Variants in TMED10 observed in about 807,000 individuals in gnomAD.
TMED10 encodes the protein transmembrane p24 trafficking protein 10.
TMED10 carries 7 observed loss-of-function variants against 23.1 expected under a neutral mutation model. The observed-to-expected ratio is 0.30, with a 90% CI of 0.17 to 0.57. The LOEUF is 0.57. Among genes scored for constraint, TMED10 ranks in the 20% least tolerant of loss-of-function variants. The probability of loss-of-function intolerance (pLI) is 0.91; values close to 1 mark genes in which losing one functional copy is unlikely to be tolerated. For missense variants in TMED10, 162 were observed against 274.8 expected (o/e 0.59, Z 2.90); for synonymous variants, 113 against 106.9 (o/e 1.06, Z -0.35).
rs1491353231 is a variant in TMED10 at position 75,147,185 on chromosome 14, G to GTTTTTTTTTTGTTTTTTTTTTTTTT, written c.411+478_411+479insAAAAAAAAAAAAAACAAAAAAAAAA. On this transcript the variant is annotated intron_variant, in intron 3 of 4. Coordinates refer to ENST00000303575, the MANE Select transcript of TMED10 (RefSeq NM_006827.6). Reference sequence around the variant, plus strand: ...ACAGCCAGAATTATTCTTCAAGGCTGTTTTTTTTTTTTTTTTTTTTTGAGA... The same window carrying GTTTTTTTTTTGTTTTTTTTTTTTTT: ...ACAGCCAGAATTATTCTTCAAGGCTGTTTTTTTTTTGTTTTTTTTTTTTTTTTTTTTTTTTTTTTTTTTTTTGAGA... Among the ~76,000 whole-genome samples the GTTTTTTTTTTGTTTTTTTTTTTTTT allele has an allele frequency of 3.3e-4, 39 of 116,626 alleles. 2 individuals carry two copies. The highest frequency in any genetic ancestry group is 1.4e-3 in the African/African-American group (38 of 26,244). The allele number at this position is 116,626 out of a possible 152,430, so 76.5% of individuals were successfully genotyped here.
At chr14:75,176,204 T>C in intron 1 of TMED10, 151 bp downstream of exon 1, 1 of 905,382 alleles carries the variant, frequency 1.1e-6, no homozygotes, top group Non-Finnish European at 1.6e-6. Context: ...ACCAGCGGGG[T>C]GAGGGGGCGG....
At chr14:75,152,888 G>A (rs1294204618) in intron 1 of TMED10, among the ~76,000 whole-genome samples, 1 of 152,192 alleles carries the variant, frequency 6.6e-6, no homozygotes, top group Non-Finnish European at 1.5e-5. Context: ...GGGAGGCCGA[G>A]GCGGATGGAT....
Position 75,147,732 on chromosome 14 carries a change from C to T in TMED10, c.343G>A (p.Gly115Arg), listed in dbSNP as rs778415145. The change falls in exon 3 of 5, where the codon GGG becomes AGG. Residue 115 changes from glycine (G) to arginine (R), a missense_variant. Physicochemically the swap from Gly to Arg is moderately radical, Grantham distance 125 (BLOSUM62 -2). Around this residue, in one of 2 missense-constraint regions of TMED10, gnomAD observed 126 missense variants for 239.5 expected, o/e 0.53. Transcript: ENST00000303575. ...FEVCFESKGT[G>R]RIPDQLVILD... ...ATCACGAGTTGGTCAGGTATCCGCC[C>T]TGTTCCTGAGAAAGAAATCAAAGGA... 2.5e-6 allele frequency: 4 copies of T among 1,614,112 alleles called. No individual in the cohort carries two copies. The highest frequency in any genetic ancestry group is 3.4e-6 in the Non-Finnish European group (4 of 1,180,018).
Position 75,135,895 on chromosome 14 carries a change from G to A in TMED10, c.412-9C>T. ...TTCTCAACTTTTGCAATCTGGAAAA[G>A]AATGGAATATTTTCAGCTCTCTGAA... is the stretch of plus-strand genomic sequence containing the variant. On this transcript the variant is annotated splice_polypyrimidine_tract_variant and intron_variant, in intron 3 of 4. Transcript: ENST00000303575. 11 of 1,613,222 alleles carry A rather than the reference G, an allele frequency of 6.8e-6. No homozygotes were observed. The highest frequency in any genetic ancestry group is 8.5e-6 in the Non-Finnish European group (10 of 1,179,802).
chr14:75,138,935 A>C (rs1209596235), intron 3 of TMED10: 1 of 239,576 alleles, frequency 4.2e-6, no homozygotes, highest in Non-Finnish European at 8.3e-6. Context: ...TTTGTAGATT[A>C]CAGCCCCCCA....
intron 1 of TMED10, among the ~76,000 whole-genome samples, chr14:75,166,672 T>G (rs1165769453): frequency 6.6e-6 from 1 of 152,212 alleles, no homozygotes; most frequent in Non-Finnish European, 1.5e-5. Context: ...AAGGTCAAGT[T>G]ATAATTAAAA....
Position 75,131,572 on chromosome 14 carries a change from C to T in TMED10, c.*3313G>A, listed in dbSNP as rs1895685383. ...CCCATATGCCTCTTTCCCAAACAAA[C>T]CAAGAAATGGCTTTATGACAGGGGT... On this transcript the variant is annotated 3_prime_UTR_variant, in exon 5 of 5. Transcript: ENST00000303575. 6.6e-6 allele frequency: 1 copy of T among 152,568 alleles called. No homozygotes were observed. The highest frequency in any genetic ancestry group is 1.5e-5 in the Non-Finnish European group (1 of 68,028). 9.5% of individuals were successfully genotyped at this position (152,568 alleles called of 1,614,324 possible). A position where few individuals can be genotyped will look rare whatever the true frequency, so the allele number is the denominator to read the frequency against.
intron 2 of TMED10, among the ~76,000 whole-genome samples, chr14:75,148,141 C>T (rs1284677484): frequency 2.6e-5 from 4 of 152,086 alleles, no homozygotes; most frequent in Non-Finnish European, 5.9e-5. Flanking sequence ...GCAACAACTT[C>T]GGCTGAAAAT....
At chr14:75,173,264 G>A (rs985002623) in intron 1 of TMED10, among the ~76,000 whole-genome samples, 1 of 152,132 alleles carries the variant, frequency 6.6e-6, no homozygotes, top group Non-Finnish European at 1.5e-5. Context: ...GCATGTGCCT[G>A]TAATCCCAGC....
At chr14:75,164,556 TATATATATATATATATATA>T (rs1267208614) in intron 1 of TMED10, among the ~76,000 whole-genome samples, 85 of 3,316 alleles carry the variant, frequency 0.026, 5 homozygotes, top group African/African-American at 0.042. Context: ...TATATATATA[TATATATATATATATATATA>T]TATTTTTTTT....
At position 75,135,817 on chromosome 14, in the gene TMED10, T is replaced by C. The variant is rs759543932; in HGVS notation, c.481A>G (p.Ile161Val). ...TTCATGTAGGCAAAATCATTAACAA[T>C]AGATTCTGAAAGGTCTTCTAGGCGT... ...LRRLEDLSES[I>V]VNDFAYMKKR... The change falls in exon 4 of 5, where the codon ATT becomes GTT. Residue 161 changes from isoleucine to valine, a missense_variant. Around this residue, in one of 2 missense-constraint regions of TMED10, gnomAD observed 126 missense variants for 239.5 expected, o/e 0.53. Transcript: ENST00000303575. 1 of 1,614,176 alleles carries C rather than the reference T, an allele frequency of 6.2e-7. No homozygotes were observed. The highest frequency in any genetic ancestry group is 1.1e-5 in the South Asian group (1 of 91,088).
chr14:75,165,740 G>A (rs982934113), intron 1 of TMED10, among the ~76,000 whole-genome samples: 2 of 152,108 alleles, frequency 1.3e-5, no homozygotes, highest in Non-Finnish European at 2.9e-5. Flanking sequence ...GGCAGCATTT[G>A]GCAACACTAA....
At chr14:75,147,386 G>A (rs1027234838) in intron 3 of TMED10, among the ~76,000 whole-genome samples, 1 of 152,080 alleles carries the variant, frequency 6.6e-6, no homozygotes, top group African/African-American at 2.4e-5. Context: ...TAGAAACTTG[G>A]TGTCACCATG....
At chr14:75,138,509 A>G (rs190280929) in intron 3 of TMED10, among the ~76,000 whole-genome samples, 14 of 152,358 alleles carry the variant, frequency 9.2e-5, no homozygotes, top group Non-Finnish European at 1.9e-4. Context: ...ATATCTGTTC[A>G]TTGATCTCAT....
intron 2 of TMED10, among the ~76,000 whole-genome samples, chr14:75,150,780 T>A (rs968766082): frequency 2.0e-5 from 3 of 152,226 alleles, no homozygotes; most frequent in Admixed American, 6.5e-5. Context: ...GAGTCCAGAC[T>A]ATACAGTCTC....
At chr14:75,153,260 CAAGA>C (rs1405707230) in intron 1 of TMED10, among the ~76,000 whole-genome samples, 64 of 151,544 alleles carry the variant, frequency 4.2e-4, no homozygotes, top group Non-Finnish European at 6.9e-4. Context: ...GGTGACAGAG[CAAGA>C]CTCTGTCTCA....
intron 1 of TMED10, among the ~76,000 whole-genome samples, chr14:75,164,565 ATATATATATATATTTTTTTTT>A (rs1301771548): frequency 4.3e-3 from 10 of 2,332 alleles, no homozygotes; most frequent in African/African-American, 0.011. Flanking sequence ...ATATATATAT[ATATATATATATATTTTTTTTT>A]TTTTTTTTGT....
chr14:75,135,169 C>T (rs1278967739), intron 4 of TMED10, among the ~76,000 whole-genome samples, 163 bp from the exon 5 acceptor site: 1 of 152,138 alleles, frequency 6.6e-6, no homozygotes, highest in African/African-American at 2.4e-5. Context: ...ATTATCCTGG[C>T]TGGGCATGGT....
intron 1 of TMED10, among the ~76,000 whole-genome samples, chr14:75,161,613 C>T (rs1896086157): frequency 6.6e-6 from 1 of 152,066 alleles, no homozygotes; most frequent in African/African-American, 2.4e-5. Context: ...GATACAAGTA[C>T]AGTTCAAATG....
Sources: allele counts gnomAD v4.1 joint callset (sites outside exome capture counted in the v4.1 genomes callset), GRCh38; gene constraint gnomAD v4.1.1; regional missense constraint gnomAD v4.1.1; transcripts MANE v1.5; gene names NCBI Gene and HGNC (gene_info 2026-07-23, HGNC 2026-07-21).